The following ANK3 variants were observed in gnomAD, a reference collection of about 807,000 sequenced individuals.
ANK3 encodes ankyrin-3.
In ANK3, 57 loss-of-function variants were observed where a neutral mutation model predicts 370.9. That is an observed-to-expected ratio of 0.15 (90% CI 0.12 to 0.19). ANK3 has a LOEUF of 0.19. ANK3 is among the 10% of genes least tolerant of loss of function. The pLI is 1.00. For synonymous variants in ANK3, 1,929 were observed against 1,946.3 expected (o/e 0.99, Z 0.23); for missense variants, 4,439 against 5,302.1 (o/e 0.84, Z 5.06).
chr10:60,162,212 C>T (rs2095517443), intron 23 of ANK3, among the ~76,000 whole-genome samples: 1 of 152,088 alleles, frequency 6.6e-6, no homozygotes, highest in Admixed American at 6.6e-5. Flanking sequence ...AAGAGATGAT[C>T]TATGCAGTGT....
chr10:60,210,285 A>G (rs971582121), intron 9 of ANK3, among the ~76,000 whole-genome samples: 3 of 152,214 alleles, frequency 2.0e-5, no homozygotes, highest in African/African-American at 7.2e-5. Context: ...AGAAAATAAA[A>G]TATGGCCAGA....
rs1007299327 is a variant in ANK3 at position 60,597,773 on chromosome 10, AAGG to A, written c.96+17410_96+17412del. 3.9e-5 allele frequency among the ~76,000 whole-genome samples: 6 copies of A among 152,294 alleles called. No individual in the cohort carries two copies. In the South Asian group the frequency reaches 1.0e-3, roughly 26 times the overall value. On this transcript the variant is annotated intron_variant, in intron 2 of 43. Coordinates refer to the ANK3 transcript ENST00000373827. The stretch of plus-strand genomic sequence containing the variant: ...TTTTGGTTTTGTTTTTTGTTAACTC[AAGG>A]AGAATAAAATCTCCTTGAGCAATAG...
At chr10:60,198,789 C>T (rs1175527508) in intron 13 of ANK3, among the ~76,000 whole-genome samples, 2 of 152,112 alleles carry the variant, frequency 1.3e-5, no homozygotes, top group African/African-American at 4.8e-5. Context: ...ATAAATTACA[C>T]CCCACCCACA....
At chr10:60,628,901 G>A (rs10994437) in intron 1 of ANK3, among the ~76,000 whole-genome samples, 33,053 of 152,046 alleles carry the variant, frequency 0.22, 3,753 homozygotes, top group South Asian at 0.35. Flanking sequence ...GAATTTCAAA[G>A]TGATTGCTAA....
chr10:60,378,523 C>T (rs540428133), intron 1 of ANK3, among the ~76,000 whole-genome samples: 1 of 152,230 alleles, frequency 6.6e-6, no homozygotes, highest in South Asian at 2.1e-4. Context: ...GCAGAATAGA[C>T]AATGCAAACT....
intron 7 of ANK3, among the ~76,000 whole-genome samples, chr10:60,260,279 A>G (rs1431914390): frequency 1.3e-5 from 2 of 152,170 alleles, no homozygotes; most frequent in Non-Finnish European, 2.9e-5. Context: ...CTGTAAAATA[A>G]GGATAAACTG....
rs777463502 is a variant in ANK3, at chr10:60,075,906, G to A, written c.4975C>T (p.Pro1659Ser). ...GCTGATGTAATAATTGACTTAAATGGCAAACTTGAGGAATACATATTAATG... is the reference window on the plus strand; with the variant it reads ...GCTGATGTAATAATTGACTTAAATGACAAACTTGAGGAATACATATTAATG... ...SNINMYSSSL[P>S]FKSIITSAAP... The change falls in exon 37 of 44, where the codon CCA becomes TCA. Residue 1659 changes from proline (P) to serine (S), a missense_variant. By Grantham distance (74) the Pro-to-Ser change is moderately conservative (BLOSUM62 -1). Transcript: ENST00000280772. The A allele has an allele frequency of 1.9e-6, 3 of 1,614,076 alleles. No individual in the cohort carries two copies. The highest frequency in any genetic ancestry group is 4.5e-5 in the East Asian group (2 of 44,872).
chr10:60,688,971 GA>G (rs1472747705), intron 1 of ANK3, among the ~76,000 whole-genome samples: 2 of 147,684 alleles, frequency 1.4e-5, no homozygotes, highest in African/African-American at 4.9e-5. Context: ...AAAAAAAAAA[GA>G]TAAAATCAGT....
intron 12 of ANK3, 149 bp from the exon 13 acceptor site, chr10:60,200,376 G>A (rs926907013): frequency 5.7e-6 from 4 of 701,884 alleles, no homozygotes; most frequent in South Asian, 1.6e-5. Context: ...TCAAATGCAT[G>A]AGAATTTCAC....
intron 1 of ANK3, among the ~76,000 whole-genome samples, chr10:60,342,378 T>C (rs1302696569): frequency 6.6e-6 from 1 of 152,206 alleles, no homozygotes; most frequent in Non-Finnish European, 1.5e-5. Flanking sequence ...GCTCTGCTTT[T>C]CAGAAAGAAA....
At chr10:60,528,401 G>T (rs189482367) in intron 2 of ANK3, among the ~76,000 whole-genome samples, 4 of 152,068 alleles carry the variant, frequency 2.6e-5, no homozygotes, top group Non-Finnish European at 5.9e-5. Flanking sequence ...CACCCAAAAT[G>T]CTGGGATTAC....
At chr10:60,198,714 C>G (rs776409042) in intron 13 of ANK3, among the ~76,000 whole-genome samples, 177 bp from the exon 14 acceptor site, 3 of 152,244 alleles carry the variant, frequency 2.0e-5, no homozygotes, top group Middle Eastern at 3.4e-3. Context: ...GATGGTAGCT[C>G]TAAGCTAATT....
chr10:60,680,030 G>A (rs181446067), intron 1 of ANK3, among the ~76,000 whole-genome samples: 1 of 151,644 alleles, frequency 6.6e-6, no homozygotes, highest in Non-Finnish European at 1.5e-5. Flanking sequence ...GGCTACTCAG[G>A]AGGTGGAGGC....
rs564770611 is a variant in ANK3, at chr10:60,507,291, CATA to C, written c.96+107892_96+107894del. The stretch of plus-strand genomic sequence containing the variant: ...GCCAAAAATTAATGCGTCACAATGG[CATA>C]ATAATTATGAGTTAAAAGAATCATA... On this transcript the variant is annotated intron_variant, in intron 2 of 43. Transcript: ENST00000373827. 3.6e-4 allele frequency among the ~76,000 whole-genome samples: 54 copies of C among 151,948 alleles called. No homozygotes were observed. In the South Asian group the frequency reaches 0.011, roughly 31 times the overall value.
chr10:60,458,464 GGAA>G (rs1168211229), intron 2 of ANK3, among the ~76,000 whole-genome samples: 1 of 152,038 alleles, frequency 6.6e-6, no homozygotes, highest in Non-Finnish European at 1.5e-5. Context: ...ACAATCTAGA[GGAA>G]GAAACAGGCA....
chr10:60,700,185 T>C (rs1057024408), intron 1 of ANK3, among the ~76,000 whole-genome samples: 6 of 152,114 alleles, frequency 3.9e-5, no homozygotes, highest in African/African-American at 1.4e-4. Flanking sequence ...AAAAATAAGT[T>C]GAAATAAACT....
chr10:60,071,910 A>C lies in ANK3; in HGVS notation c.8971T>G (p.Ser2991Ala). Residue 2991 changes from serine (S) to alanine (A), a missense_variant, in exon 37 of 44, where the codon TCA becomes GCA. Transcript: ENST00000280772. Reference protein sequence around the residue: ...EQSAFPKHELSQKLSQSSMSK... With the variant: ...EQSAFPKHELAQKLSQSSMSK... Reference sequence around the variant, plus strand: ...ATGCTTGACTGGGACAATTTTTGTGATAGTTCATGTTTTGGAAATGCCGAC... The same window carrying C: ...ATGCTTGACTGGGACAATTTTTGTGCTAGTTCATGTTTTGGAAATGCCGAC... 6.2e-7 allele frequency: 1 copy of C among 1,614,022 alleles called. No individual in the cohort carries two copies. Among genetic ancestry groups the C allele is most frequent in the Non-Finnish European group, 8.5e-7 (1 of 1,179,978 alleles).
intron 1 of ANK3, among the ~76,000 whole-genome samples, chr10:60,291,528 T>C (rs535003654): frequency 6.6e-6 from 1 of 152,194 alleles, no homozygotes; most frequent in South Asian, 2.1e-4. Flanking sequence ...ATGATTTGAC[T>C]AGATGACAAG....
At chr10:60,132,459 G>A (rs1332076082) in intron 25 of ANK3, among the ~76,000 whole-genome samples, 1 of 148,382 alleles carries the variant, frequency 6.7e-6, no homozygotes, top group Non-Finnish European at 1.5e-5. Context: ...CTTCTTGCCT[G>A]CCACCATGTA....
Sources: allele counts gnomAD v4.1 joint callset (sites outside exome capture counted in the v4.1 genomes callset), GRCh38; gene constraint gnomAD v4.1.1; transcripts MANE v1.5; gene names NCBI Gene and HGNC (gene_info 2026-07-23, HGNC 2026-07-21).